The following CSNK1A1 variants were observed in gnomAD, a reference collection of about 807,000 sequenced individuals.
CSNK1A1 encodes casein kinase I isoform alpha.
Under a neutral mutation model 46.1 loss-of-function variants are expected in CSNK1A1, and 7 were observed. That is an observed-to-expected ratio of 0.15 (90% CI 0.09 to 0.29). The LOEUF (loss-of-function observed/expected upper bound fraction) is 0.29, where lower values mean the gene tolerates loss of function less well. Ranked by LOEUF, CSNK1A1 falls within the 10% of genes least tolerant of loss-of-function variation. The pLI, the probability that CSNK1A1 is intolerant of heterozygous loss-of-function variation, is 1.00. For missense variants in CSNK1A1, 96 were observed against 417.1 expected (o/e 0.23, Z 6.71); for synonymous variants, 137 against 141.5 (o/e 0.97, Z 0.23).
In CSNK1A1 at chr5:149,517,965, T is replaced by C. The variant is rs1333942397; in HGVS notation, c.456+2325A>G. 4 of 803,606 alleles carry C rather than the reference T, an allele frequency of 5.0e-6. No homozygotes were observed. The highest frequency in any genetic ancestry group is 1.7e-5 in the African/African-American group (1 of 58,420). 49.8% of individuals were successfully genotyped at this position (803,606 alleles called of 1,614,324 possible). On this transcript the variant is annotated intron_variant, in intron 4 of 9. Coordinates refer to ENST00000377843, the MANE Select transcript of CSNK1A1 (RefSeq NM_001892.6). The surrounding 1 kb of genome is among the most constrained non-coding windows in gnomAD (Gnocchi z 4.4). Reference sequence around the variant, plus strand: ...GGCGCAGACAGGCAACACCGAGGCATTAGAGAAAGAACAGGGTAGCCAAAT... The same window carrying C: ...GGCGCAGACAGGCAACACCGAGGCACTAGAGAAAGAACAGGGTAGCCAAAT...
At chr5:149,502,464 T>C in intron 9 of CSNK1A1, 1 of 293,074 alleles carries the variant, frequency 3.4e-6, no homozygotes, top group Non-Finnish European at 4.6e-6. Context: ...CACCTCAGCC[T>C]CCCAACACAG....
intron 5 of CSNK1A1, 89 bp downstream of exon 5, chr5:149,512,981 T>G: frequency 6.8e-7 from 1 of 1,464,238 alleles, no homozygotes; most frequent in South Asian, 1.3e-5. Flanking sequence ...AGAAACATCC[T>G]TAGACATTGT....
intron 6 of CSNK1A1, 55 bp downstream of exon 6, chr5:149,511,739 A>G: frequency 8.3e-7 from 1 of 1,205,860 alleles, no homozygotes; most frequent in Non-Finnish European, 1.2e-6. Flanking sequence ...TCTCCAATAT[A>G]TATTTTTATT....
At chr5:149,529,431 G>A (rs1212235503) in intron 2 of CSNK1A1, among the ~76,000 whole-genome samples, 1 of 152,178 alleles carries the variant, frequency 6.6e-6, no homozygotes, top group African/African-American at 2.4e-5. Flanking sequence ...AAGCACAAAT[G>A]TAAGACAATA....
At position 149,525,252 on chromosome 5, in the gene CSNK1A1, CT is replaced by C. The variant is rs1761690816; in HGVS notation, c.231-82del. The C allele has an allele frequency of 1.2e-5, 16 of 1,315,366 alleles. No homozygotes were observed. The highest frequency in any genetic ancestry group is 6.0e-5 in the Admixed American group (2 of 33,498). The allele number at this position is 1,315,366 out of a possible 1,614,324, so 81.5% of individuals were successfully genotyped here. On this transcript the variant is annotated intron_variant, in intron 2 of 9. Coordinates refer to ENST00000377843, the MANE Select transcript of CSNK1A1 (RefSeq NM_001892.6). The surrounding 1 kb of genome is among the most constrained non-coding windows in gnomAD (Gnocchi z 4.2). ...TCAACCCTAAGAATAATATAGTTTTCTTTCACTGACTAGGTATTATATAAGG... is the reference window on the plus strand; with the variant it reads ...TCAACCCTAAGAATAATATAGTTTTCTTCACTGACTAGGTATTATATAAGG...
At chr5:149,537,363 G>T (rs1017996223) in intron 2 of CSNK1A1, among the ~76,000 whole-genome samples, 2 of 152,296 alleles carry the variant, frequency 1.3e-5, no homozygotes. Flanking sequence ...GCGACAGAGT[G>T]AGACTCCATC....
At chr5:149,510,503 G>A (rs537366492) in intron 6 of CSNK1A1, among the ~76,000 whole-genome samples, 2 of 151,974 alleles carry the variant, frequency 1.3e-5, no homozygotes, top group South Asian at 4.2e-4. Context: ...TTTGAGACAA[G>A]GTCTCCCTCG....
chr5:149,503,202 C>T, intron 9 of CSNK1A1: 1 of 985,400 alleles, frequency 1.0e-6, no homozygotes, highest in Non-Finnish European at 1.2e-6. Context: ...TAGGAGATTT[C>T]TTAAAGGATA....
At chr5:149,505,328 A>G in intron 9 of CSNK1A1, 119 bp downstream of exon 9, 1 of 1,441,374 alleles carries the variant, frequency 6.9e-7, no homozygotes, top group South Asian at 1.6e-5. Flanking sequence ...TTTTTAACGC[A>G]GAGCCAAATT....
chr5:149,540,301 T>C (rs1471494928), intron 2 of CSNK1A1, among the ~76,000 whole-genome samples: 5 of 152,236 alleles, frequency 3.3e-5, no homozygotes, highest in African/African-American at 1.2e-4. Flanking sequence ...CCCTTTATGT[T>C]GAGGATTGAA....
At chr5:149,502,520 TG>T (rs61707983) in intron 9 of CSNK1A1, 332 of 21,892 alleles carry the variant, frequency 0.015, no homozygotes, top group Non-Finnish European at 0.018. Context: ...TTTTTTTTTT[TG>T]GGGGGGGGGG....
chr5:149,523,510 G>A (rs948381504), intron 3 of CSNK1A1, among the ~76,000 whole-genome samples: 3 of 152,188 alleles, frequency 2.0e-5, no homozygotes, highest in African/African-American at 7.2e-5. Context: ...AGTGTGCCGC[G>A]CCACTTTTAA....
At chr5:149,549,232 A>C (rs1762581754) in intron 2 of CSNK1A1, 1 of 474,794 alleles carries the variant, frequency 2.1e-6, no homozygotes. Flanking sequence ...ATATGAGTAA[A>C]TTTTAACATA....
At chr5:149,535,841 T>G (rs1377860036) in intron 2 of CSNK1A1, among the ~76,000 whole-genome samples, 1 of 151,882 alleles carries the variant, frequency 6.6e-6, no homozygotes, top group African/African-American at 2.4e-5. Context: ...AGACAGGGTT[T>G]TGCCATGTTG....
chr5:149,515,823 A>C (rs1761382959), intron 4 of CSNK1A1, among the ~76,000 whole-genome samples: 2 of 152,264 alleles, frequency 1.3e-5, no homozygotes, highest in African/African-American at 4.8e-5. Flanking sequence ...GCAGAACCAA[A>C]TGAGGAAAAG....
In CSNK1A1 at chr5:149,517,184, T is replaced by C. The variant is rs969926229; in HGVS notation, c.456+3106A>G. ...ATCTACCATATAACTTGATAAGTGC[T>C]TAAGCTATGTTATTGTTATATTGTT... On this transcript the variant is annotated intron_variant, in intron 4 of 9. Coordinates refer to ENST00000377843, the MANE Select transcript of CSNK1A1 (RefSeq NM_001892.6). This position sits in a 1 kb window ranked among gnomAD's most constrained non-coding sequence, Gnocchi z 4.4. Among the ~76,000 whole-genome samples the C allele has an allele frequency of 6.6e-6, 1 of 152,202 alleles. No individual in the cohort carries two copies. Among genetic ancestry groups the C allele is most frequent in the African/African-American group, 2.4e-5 (1 of 41,466 alleles).
chr5:149,549,520 G>T, intron 2 of CSNK1A1: 1 of 702,140 alleles, frequency 1.4e-6, no homozygotes, highest in Non-Finnish European at 2.6e-6. Context: ...GCTGCTAAAG[G>T]AGGAATCAAG....
intron 9 of CSNK1A1, chr5:149,497,355 A>T (rs1760686229): frequency 1.0e-6 from 1 of 986,430 alleles, no homozygotes; most frequent in Admixed American, 6.1e-5. Context: ...AGACCTGAGA[A>T]GCATGTAATT....
In CSNK1A1 at chr5:149,496,767, A is replaced by G; in HGVS notation, c.*86T>C. Reference sequence around the variant, plus strand: ...GTTGTCCACAACCACTGGCTAGTGTACATATGAACTAAAATTTCTAGATTT... The same window carrying G: ...GTTGTCCACAACCACTGGCTAGTGTGCATATGAACTAAAATTTCTAGATTT... On this transcript the variant is annotated 3_prime_UTR_variant, in exon 10 of 10. Transcript: ENST00000377843. 1 of 1,520,490 alleles carries G rather than the reference A, an allele frequency of 6.6e-7. No homozygotes were observed. Among genetic ancestry groups the G allele is most frequent in the Non-Finnish European group, 8.8e-7 (1 of 1,134,858 alleles). 94.2% of individuals were successfully genotyped at this position (1,520,490 alleles called of 1,614,324 possible).
Sources: allele counts gnomAD v4.1 joint callset (sites outside exome capture counted in the v4.1 genomes callset), GRCh38; gene constraint gnomAD v4.1.1; non-coding constraint Gnocchi (gnomAD v3.1); transcripts MANE v1.5; gene names NCBI Gene and HGNC (gene_info 2026-07-23, HGNC 2026-07-21).